Variants in SEMA5B observed in about 807,000 individuals in gnomAD.
SEMA5B encodes the protein semaphorin 5B.
SEMA5B carries 66 observed loss-of-function variants against 135.0 expected under a neutral mutation model. That is an observed-to-expected ratio of 0.49 (90% confidence interval 0.40 to 0.60). SEMA5B has a LOEUF of 0.60. SEMA5B is among the 20% of genes least tolerant of loss of function. The pLI, the probability that SEMA5B is intolerant of heterozygous loss-of-function variation, is 0.00. For missense variants in SEMA5B, 1,501 were observed against 1,566.3 expected (o/e 0.96, Z 0.70); for synonymous variants, 690 against 639.5 (o/e 1.08, Z -1.19).
intron 2 of SEMA5B, among the ~76,000 whole-genome samples, chr3:122,957,401 G>A (rs971840834): frequency 1.3e-5 from 2 of 152,238 alleles, no homozygotes; most frequent in Admixed American, 6.5e-5. Flanking sequence ...CAGGGAGAAT[G>A]AGGGATCAGG....
chr3:122,983,673 A>C (rs540489779), intron 1 of SEMA5B, among the ~76,000 whole-genome samples: 9 of 139,022 alleles, frequency 6.5e-5, no homozygotes, highest in Non-Finnish European at 1.1e-4. Context: ...AACCAAGATC[A>C]CGCCACTGCA....
In SEMA5B at chr3:122,999,642, G is replaced by A. The variant is rs567602935; in HGVS notation, c.-39+27822C>T. ...TACCTCCTGGGGCTGAGGGCAGCAA[G>A]GACCCTCCCTTTCTCCTTCCCCTCC... On this transcript the variant is annotated intron_variant, in intron 1 of 22. Coordinates refer to ENST00000357599, the MANE Select transcript of SEMA5B (RefSeq NM_001031702.4). Among the ~76,000 whole-genome samples, 17 of 152,232 alleles carry A rather than the reference G, an allele frequency of 1.1e-4. No individual in the cohort carries two copies. In the South Asian group the frequency reaches 1.7e-3, roughly 15 times the overall value.
chr3:122,927,035 C>A (rs1307335681), intron 8 of SEMA5B, among the ~76,000 whole-genome samples: 1 of 152,228 alleles, frequency 6.6e-6, no homozygotes, highest in African/African-American at 2.4e-5. Flanking sequence ...GGACACACAG[C>A]TATTTAGGTT....
chr3:122,929,836 T>G (rs911450323), intron 5 of SEMA5B, among the ~76,000 whole-genome samples: 18 of 152,234 alleles, frequency 1.2e-4, no homozygotes, highest in Admixed American at 3.3e-4. Context: ...TGTTCTCACA[T>G]GCCCATGGCA....
intron 1 of SEMA5B, among the ~76,000 whole-genome samples, chr3:123,005,727 A>T (rs373136283): frequency 6.6e-6 from 1 of 152,138 alleles, no homozygotes; most frequent in African/African-American, 2.4e-5. Flanking sequence ...TGAGGGGGTC[A>T]TTTGAGCTCT....
chr3:122,940,818 C>T lies in SEMA5B; in HGVS notation c.429-1348G>A, dbSNP rs1042419409. 8.5e-5 allele frequency among the ~76,000 whole-genome samples: 13 copies of T among 152,236 alleles called. No individual in the cohort carries two copies. The East Asian group carries it at 2.5e-3, about 29-fold the overall frequency. ...CCTTCTCCAACCCCCTCCCCAAGTC[C>T]TTAGCAGAGCTCTCCCTATCCCACC... On this transcript the variant is annotated intron_variant, in intron 4 of 22. Coordinates refer to ENST00000357599, the MANE Select transcript of SEMA5B (RefSeq NM_001031702.4).
chr3:122,950,414 A>T (rs1318669288), intron 2 of SEMA5B, among the ~76,000 whole-genome samples: 1 of 152,144 alleles, frequency 6.6e-6, no homozygotes, highest in East Asian at 1.9e-4. Flanking sequence ...TTGACCTAGC[A>T]ACCTAATTCT....
chr3:123,013,880 G>A (rs900060162), intron 1 of SEMA5B, among the ~76,000 whole-genome samples: 1 of 152,224 alleles, frequency 6.6e-6, no homozygotes, highest in Non-Finnish European at 1.5e-5. Flanking sequence ...GCTGCTCATC[G>A]ATCTGGGAGG....
intron 1 of SEMA5B, among the ~76,000 whole-genome samples, chr3:122,962,085 C>T (rs1249425994): frequency 6.6e-6 from 1 of 152,222 alleles, no homozygotes; most frequent in Non-Finnish European, 1.5e-5. Context: ...GATAATCTCC[C>T]TACCTCAAGG....
chr3:122,915,762 G>A lies in SEMA5B; in HGVS notation c.1806+11C>T. The A allele has an allele frequency of 6.2e-7, 1 of 1,612,860 alleles. No homozygotes were observed. Among genetic ancestry groups the A allele is most frequent in the Non-Finnish European group, 8.5e-7 (1 of 1,178,840 alleles). On this transcript the variant is annotated intron_variant, in intron 13 of 22. Transcript: ENST00000357599. ...GGGGTCTGAGATGGGAGGACACAAG[G>A]GGATTCTCACAGGACAGGCGGTGAT... is the stretch of plus-strand genomic sequence containing the variant.
intron 5 of SEMA5B, among the ~76,000 whole-genome samples, chr3:122,931,574 CA>C (rs1482780567): frequency 2.0e-5 from 3 of 152,224 alleles, no homozygotes; most frequent in East Asian, 1.9e-4. Flanking sequence ...TCTTGGCATA[CA>C]AAAAAATACG....
At chr3:123,017,925 A>C (rs917651903) in intron 1 of SEMA5B, among the ~76,000 whole-genome samples, 1 of 152,098 alleles carries the variant, frequency 6.6e-6, no homozygotes, top group Non-Finnish European at 1.5e-5. Flanking sequence ...AAAAGAAAAA[A>C]AAAAAAAAGG....
At chr3:122,964,949 C>G (rs996669837) in intron 1 of SEMA5B, among the ~76,000 whole-genome samples, 1 of 152,162 alleles carries the variant, frequency 6.6e-6, no homozygotes, top group Non-Finnish European at 1.5e-5. Context: ...TGAAACTGAG[C>G]AGAAACCAGG....
At chr3:122,978,674 G>T (rs868754112) in intron 1 of SEMA5B, among the ~76,000 whole-genome samples, 1 of 152,096 alleles carries the variant, frequency 6.6e-6, no homozygotes, top group African/African-American at 2.4e-5. Context: ...AGACCCCTCC[G>T]CTGGGCAGCC....
chr3:123,025,582 A>G (rs1463212572), intron 1 of SEMA5B, among the ~76,000 whole-genome samples: 1 of 152,210 alleles, frequency 6.6e-6, no homozygotes, highest in Admixed American at 6.5e-5. Flanking sequence ...GGCTGCTTGG[A>G]AAAAGAAAAG....
At chr3:122,998,584 C>T (rs1349646775) in intron 1 of SEMA5B, among the ~76,000 whole-genome samples, 1 of 152,166 alleles carries the variant, frequency 6.6e-6, no homozygotes, top group East Asian at 1.9e-4. Context: ...GAATTCCACT[C>T]CACCCCACAA....
chr3:123,004,827 C>T (rs1022044529), intron 1 of SEMA5B, among the ~76,000 whole-genome samples: 1 of 152,288 alleles, frequency 6.6e-6, no homozygotes, highest in Non-Finnish European at 1.5e-5. Flanking sequence ...AGGCTCCCAG[C>T]CCCACCTGGA....
intron 1 of SEMA5B, among the ~76,000 whole-genome samples, chr3:122,969,605 C>A (rs543300949): frequency 6.6e-6 from 1 of 152,336 alleles, no homozygotes; most frequent in African/African-American, 2.4e-5. Flanking sequence ...TTCTGCTCCA[C>A]CTCATGGACA....
At chr3:122,989,816 G>A (rs936972937) in intron 1 of SEMA5B, among the ~76,000 whole-genome samples, 17 of 152,328 alleles carry the variant, frequency 1.1e-4, no homozygotes, top group African/African-American at 3.8e-4. Flanking sequence ...CCCTGGGGGA[G>A]TAAAGGTCAG....
Sources: gnomAD v4.1 joint callset for allele counts (sites outside exome capture counted in the v4.1 genomes callset) on GRCh38, gnomAD v4.1.1 for gene constraint, MANE v1.5 for transcripts, NCBI Gene and HGNC (gene_info 2026-07-23, HGNC 2026-07-21) for gene names.